OSBPL5: variants seen among roughly 807,000 people sequenced by gnomAD.
OSBPL5 encodes oxysterol-binding protein-related protein 5.
In OSBPL5, 71 loss-of-function variants were observed where a neutral mutation model predicts 111.2. The ratio of observed to expected loss-of-function variants is 0.64; its 90% confidence interval spans 0.53 to 0.78. The LOEUF is 0.78. OSBPL5 is among the 30% of genes least tolerant of loss of function. The pLI is 0.00. For synonymous variants in OSBPL5, 549 were observed against 513.9 expected, an observed-to-expected ratio of 1.07 and a Z score of -0.93; for missense variants, 1,210 against 1,189.3, an observed-to-expected ratio of 1.02 and a Z score of -0.26.
At position 3,126,918 on chromosome 11, in the gene OSBPL5, A is replaced by T. The variant is rs1343091846; in HGVS notation, c.137-363T>A. On this transcript the variant is annotated intron_variant, in intron 2 of 21. Coordinates refer to ENST00000263650, the MANE Select transcript of OSBPL5 (RefSeq NM_020896.4). This position sits in a 1 kb window ranked among gnomAD's most constrained non-coding sequence, Gnocchi z 6.5. ...GAATGTGACATCCAGTCTCAAAGAC[A>T]CATGGCAGGTTTGGGGCCCCTGGAC... 6.6e-6 allele frequency among the ~76,000 whole-genome samples: 1 copy of T among 152,212 alleles called. No homozygotes were observed. Among genetic ancestry groups the T allele is most frequent in the African/African-American group, 2.4e-5 (1 of 41,452 alleles).
chr11:3,128,938 G>T, intron 2 of OSBPL5, 75 bp downstream of exon 2: 1 of 1,326,418 alleles, frequency 7.5e-7, no homozygotes, highest in South Asian at 1.7e-5. Flanking sequence ...GGGCACAGAG[G>T]GGTTGGGCCG....
At chr11:3,114,011 AT>A (rs1349417036) in intron 7 of OSBPL5, among the ~76,000 whole-genome samples, 2 of 152,220 alleles carry the variant, frequency 1.3e-5, no homozygotes, top group African/African-American at 4.8e-5. Flanking sequence ...GATTAAAATA[AT>A]TAGGTAAATG....
Position 3,121,061 on chromosome 11 carries a change from CTTTT to C in OSBPL5, c.403-441_403-438del, listed in dbSNP as rs34351257. On this transcript the variant is annotated intron_variant, in intron 5 of 21. Coordinates refer to ENST00000263650, the MANE Select transcript of OSBPL5 (RefSeq NM_020896.4). The surrounding 1 kb of genome is among the most constrained non-coding windows in gnomAD (Gnocchi z 4.3). ...CTTGTAACTGGCAGCTTTGTAGATT[CTTTT>C]TTTTTTTTTTTTTGAGACAGAGTCT... Among the ~76,000 whole-genome samples, 14 of 130,338 alleles carry C rather than the reference CTTTT, an allele frequency of 1.1e-4. No homozygotes were observed. The highest frequency in any genetic ancestry group is 1.3e-4 in the Non-Finnish European group (8 of 62,446). 85.5% of individuals were successfully genotyped at this position (130,338 alleles called of 152,430 possible).
In OSBPL5 at chr11:3,142,484, C is replaced by T. The variant is rs2134514227; in HGVS notation, c.-21-13315G>A. Among the ~76,000 whole-genome samples the T allele has an allele frequency of 6.6e-6, 1 of 151,868 alleles. No homozygotes were observed. Among genetic ancestry groups the T allele is most frequent in the South Asian group, 2.1e-4 (1 of 4,814 alleles). ...TCCCTCCCCACTCGCTGCTCCGTGT[C>T]CCAGGAGGTCAGATTTCACCCGGAT... is the stretch of plus-strand genomic sequence containing the variant. On this transcript the variant is annotated intron_variant, in intron 1 of 21. Coordinates refer to ENST00000263650, the MANE Select transcript of OSBPL5 (RefSeq NM_020896.4). This position sits in a 1 kb window ranked among gnomAD's most constrained non-coding sequence, Gnocchi z 7.1.
chr11:3,101,273 A>AT (rs1564827369), intron 13 of OSBPL5, among the ~76,000 whole-genome samples: 2 of 1,058 alleles, frequency 1.9e-3, no homozygotes, highest in East Asian at 0.05. Flanking sequence ...CCATGCTTTG[A>AT]CTAAGTTTCA....
chr11:3,092,712 G>C lies in OSBPL5; in HGVS notation c.2133-154C>G, dbSNP rs1203514520. ...ATGGGCAGGGCCTGCAGTAAGGACT[G>C]ATGATGGGGGGTGTCACTATCTGAC... On this transcript the variant is annotated intron_variant, in intron 18 of 21. Coordinates refer to ENST00000263650, the MANE Select transcript of OSBPL5 (RefSeq NM_020896.4). The surrounding 1 kb of genome is among the most constrained non-coding windows in gnomAD (Gnocchi z 5.4). Among the ~76,000 whole-genome samples, 7 of 152,156 alleles carry C rather than the reference G, an allele frequency of 4.6e-5. No homozygotes were observed. The East Asian group carries it at 1.2e-3, about 25-fold the overall frequency.
Position 3,107,258 on chromosome 11 carries a change from C to T in OSBPL5, c.1059+5G>A. ...GCTTGGGGCTCCTGGCTGGGGGGCT[C>T]TCACCTCCCCCAGCTCCTCCTGGAC... On this transcript the variant is annotated splice_donor_5th_base_variant and intron_variant, in intron 9 of 21. Transcript: ENST00000263650. The surrounding 1 kb of genome is among the most constrained non-coding windows in gnomAD (Gnocchi z 6.1). 1 of 1,610,440 alleles carries T rather than the reference C, an allele frequency of 6.2e-7. No homozygotes were observed. Among genetic ancestry groups the T allele is most frequent in the East Asian group, 2.2e-5 (1 of 44,810 alleles).
At chr11:3,138,229 C>G (rs1846003806) in intron 1 of OSBPL5, among the ~76,000 whole-genome samples, 1 of 152,204 alleles carries the variant, frequency 6.6e-6, no homozygotes, top group Non-Finnish European at 1.5e-5. Context: ...GACCCCACAC[C>G]CCTGTAGTCG....
intron 1 of OSBPL5, among the ~76,000 whole-genome samples, chr11:3,157,661 G>T (rs779215605): frequency 1.3e-5 from 2 of 152,250 alleles, no homozygotes; most frequent in Non-Finnish European, 2.9e-5. Context: ...AGCCCATGGA[G>T]CAGAGATGAA....
chr11:3,090,724 G>T, intron 19 of OSBPL5, 28 bp from the exon 20 acceptor site: 1 of 1,595,714 alleles, frequency 6.3e-7, no homozygotes, highest in Non-Finnish European at 8.5e-7. Flanking sequence ...TGCTGCAGCT[G>T]AAAGCCACCC....
Position 3,140,653 on chromosome 11 carries a change from G to T in OSBPL5, c.-21-11484C>A, listed in dbSNP as rs773777067. On this transcript the variant is annotated intron_variant, in intron 1 of 21. Coordinates refer to ENST00000263650, the MANE Select transcript of OSBPL5 (RefSeq NM_020896.4). This position sits in a 1 kb window ranked among gnomAD's most constrained non-coding sequence, Gnocchi z 4.5. ...GGCATCGTCGTCCCGGCTCCCCTCT[G>T]TCCCCCAGCTCACATTACCCAGGAC... Among the ~76,000 whole-genome samples the T allele has an allele frequency of 6.6e-6, 1 of 152,148 alleles. No homozygotes were observed. Among genetic ancestry groups the T allele is most frequent in the African/African-American group, 2.4e-5 (1 of 41,422 alleles).
At position 3,134,807 on chromosome 11, in the gene OSBPL5, T is replaced by A. The variant is rs1168519565; in HGVS notation, c.-21-5638A>T. On this transcript the variant is annotated intron_variant, in intron 1 of 21. Coordinates refer to ENST00000263650, the MANE Select transcript of OSBPL5 (RefSeq NM_020896.4). ...GGTCTGCTGGGACTTGGGGGTGGGG[T>A]GGGGGTGATCCTGTGACCCAGAGAG... 1.2e-4 allele frequency among the ~76,000 whole-genome samples: 4 copies of A among 32,186 alleles called. No homozygotes were observed. The South Asian group carries it at 4.3e-3, about 34-fold the overall frequency. 21.1% of individuals were successfully genotyped at this position (32,186 alleles called of 152,430 possible).
Position 3,129,073 on chromosome 11 carries a change from G to A in OSBPL5, c.76C>T (p.Arg26Trp), listed in dbSNP as rs760800105. The A allele has an allele frequency of 1.3e-6, 2 of 1,575,938 alleles. No homozygotes were observed. The highest frequency in any genetic ancestry group is 8.6e-7 in the Non-Finnish European group (1 of 1,161,994). The change falls in exon 2 of 22, where the codon CGG (arginine) becomes TGG (tryptophan). Residue 26 changes from arginine to tryptophan, a missense_variant. Arg to Trp is a moderately radical substitution (Grantham distance 101). Coordinates refer to ENST00000263650, the MANE Select transcript of OSBPL5 (RefSeq NM_020896.4). ...PSSTPQKVDP[R>W]KLTRNLLLSG... ...AGGAGCAAGTTCCGGGTGAGCTTCC[G>A]GGGGTCGACTTTCTGAGGGGTGGAG...
chr11:3,107,396 G>T lies in OSBPL5; in HGVS notation c.926C>A (p.Pro309His), dbSNP rs758216838. The T allele has an allele frequency of 6.2e-7, 1 of 1,614,062 alleles. No homozygotes were observed. The highest frequency in any genetic ancestry group is 1.1e-5 in the South Asian group (1 of 91,084). Residue 309 changes from proline to histidine, a missense_variant, in exon 9 of 22, where the codon CCT becomes CAT. Coordinates refer to ENST00000263650, the MANE Select transcript of OSBPL5 (RefSeq NM_020896.4). This position sits in a 1 kb window ranked among gnomAD's most constrained non-coding sequence, Gnocchi z 6.1. ...AFSDKSEREN[P>H]EESDTETQDH... is the part of the protein sequence containing the mutation. ...CTGGGTCTCGGTATCTGACTCCTCA[G>T]GGTTCTCTCTCTCCGACTTGTCTGA...
At chr11:3,138,151 C>A (rs1846001538) in intron 1 of OSBPL5, among the ~76,000 whole-genome samples, 1 of 152,198 alleles carries the variant, frequency 6.6e-6, no homozygotes, top group Admixed American at 6.5e-5. Flanking sequence ...GTCCACCTGT[C>A]CTCCTGATGG....
chr11:3,088,752 G>C (rs1459286612), intron 21 of OSBPL5, among the ~76,000 whole-genome samples: 1 of 152,136 alleles, frequency 6.6e-6, no homozygotes, highest in African/African-American at 2.4e-5. Flanking sequence ...AGACCATTAG[G>C]GTGGGCCCTG....
chr11:3,103,723 G>GCAGCCC (rs1564829596), intron 10 of OSBPL5, among the ~76,000 whole-genome samples: 1 of 80,154 alleles, frequency 1.2e-5, no homozygotes, highest in African/African-American at 4.0e-5. Flanking sequence ...TCCAGGCTCT[G>GCAGCCC]CTGCCCCTTC....
At chr11:3,088,946 A>G (rs555449643) in intron 21 of OSBPL5, among the ~76,000 whole-genome samples, 1 of 151,982 alleles carries the variant, frequency 6.6e-6, no homozygotes, top group East Asian at 1.9e-4. Context: ...TGCCGGCAGT[A>G]CTCTGCTGTG....
chr11:3,142,452 C>T lies in OSBPL5; in HGVS notation c.-21-13283G>A, dbSNP rs576196765. Among the ~76,000 whole-genome samples the T allele has an allele frequency of 2.0e-5, 3 of 152,300 alleles. No homozygotes were observed. In the South Asian group the frequency reaches 6.2e-4, roughly 32 times the overall value. ...CCTCCATGCCCTGCTGCCACAAGGG[C>T]CCAGGATCCCTCCCCACTCGCTGCT... On this transcript the variant is annotated intron_variant, in intron 1 of 21. Coordinates refer to ENST00000263650, the MANE Select transcript of OSBPL5 (RefSeq NM_020896.4). This position sits in a 1 kb window ranked among gnomAD's most constrained non-coding sequence, Gnocchi z 7.1.
Sources: allele counts gnomAD v4.1 joint callset (sites outside exome capture counted in the v4.1 genomes callset), GRCh38; gene constraint gnomAD v4.1.1; non-coding constraint Gnocchi (gnomAD v3.1); transcripts MANE v1.5; gene names NCBI Gene and HGNC (gene_info 2026-07-23, HGNC 2026-07-21).